The following PLEKHA7 variants were observed in gnomAD, a reference collection of about 807,000 sequenced individuals.
PLEKHA7 encodes pleckstrin homology domain-containing family A member 7.
Under a neutral mutation model 170.0 loss-of-function variants are expected in PLEKHA7, and 104 were observed. The ratio of observed to expected loss-of-function variants is 0.61; its 90% CI spans 0.52 to 0.72. PLEKHA7 has a LOEUF of 0.72. PLEKHA7 is among the 30% of genes least tolerant of loss of function. The pLI, the probability that PLEKHA7 is intolerant of heterozygous loss-of-function variation, is 0.00. For synonymous variants in PLEKHA7, 648 were observed against 660.8 expected (o/e 0.98, Z 0.30); for missense variants, 1,615 against 1,671.7 (o/e 0.97, Z 0.59).
Position 16,783,893 on chromosome 11 carries a change from C to T in PLEKHA7, c.3517-60G>A, listed in dbSNP as rs1590105659. The T allele has an allele frequency of 4.5e-6, 6 of 1,346,896 alleles. No individual in the cohort carries two copies. In the East Asian group the frequency reaches 9.1e-5, roughly 20 times the overall value. 83.4% of individuals were successfully genotyped at this position (1,346,896 alleles called of 1,614,324 possible). Reference sequence around the variant, plus strand: ...CTCAGATGTCTGGGTTTAGGACTCGCTTTCCCCACCTCTGTCCCCTCCCAC... The same window carrying T: ...CTCAGATGTCTGGGTTTAGGACTCGTTTTCCCCACCTCTGTCCCCTCCCAC... On this transcript the variant is annotated intron_variant, in intron 24 of 26. Coordinates refer to ENST00000531066, the MANE Select transcript of PLEKHA7 (RefSeq NM_001329630.2).
chr11:16,876,805 T>G (rs1323609007), intron 3 of PLEKHA7, among the ~76,000 whole-genome samples: 1 of 152,220 alleles, frequency 6.6e-6, no homozygotes, highest in Non-Finnish European at 1.5e-5. Context: ...GTATGTATTT[T>G]GATTGTAATA....
At chr11:16,842,570 A>G (rs1003381929) in intron 8 of PLEKHA7, 2 of 141,856 alleles carry the variant, frequency 1.4e-5, no homozygotes, top group Non-Finnish European at 3.0e-5. Context: ...CTTCTGCCTC[A>G]AGGTGCTTTC....
chr11:16,941,383 C>T (rs1860684254), intron 3 of PLEKHA7, among the ~76,000 whole-genome samples: 1 of 152,118 alleles, frequency 6.6e-6, no homozygotes, highest in African/African-American at 2.4e-5. Flanking sequence ...TATTGTTTTT[C>T]TCTGAAAAGG....
chr11:16,812,318 T>C (rs1436876987), intron 13 of PLEKHA7: 1 of 152,200 alleles, frequency 6.6e-6, no homozygotes, highest in Non-Finnish European at 1.5e-5. Context: ...GTTAAAAATA[T>C]CCCAAGCCAG....
intron 3 of PLEKHA7, among the ~76,000 whole-genome samples, chr11:16,889,251 C>G (rs989274628): frequency 1.3e-5 from 2 of 151,732 alleles, no homozygotes; most frequent in African/African-American, 2.4e-5. Flanking sequence ...GTGACCTCCT[C>G]CTCTGCTAAC....
intron 3 of PLEKHA7, among the ~76,000 whole-genome samples, chr11:16,889,400 CAAAA>C (rs869268116): frequency 9.5e-4 from 50 of 52,734 alleles, no homozygotes; most frequent in African/African-American, 2.5e-3. Flanking sequence ...CTTTATTGCT[CAAAA>C]AAAAAAAAAA....
At chr11:16,916,520 C>T (rs1450397347) in intron 3 of PLEKHA7, among the ~76,000 whole-genome samples, 1 of 152,204 alleles carries the variant, frequency 6.6e-6, no homozygotes, top group Non-Finnish European at 1.5e-5. Context: ...GTCCCTACCT[C>T]AGGCAATTGT....
rs529726234 is a variant in PLEKHA7 at position 16,951,130 on chromosome 11, T to G, written c.221+62859A>C. Among the ~76,000 whole-genome samples, 30 of 152,366 alleles carry G rather than the reference T, an allele frequency of 2.0e-4. 1 individual carries two copies. The South Asian group carries it at 6.0e-3, about 31-fold the overall frequency. On this transcript the variant is annotated intron_variant, in intron 3 of 26. Coordinates refer to ENST00000531066, the MANE Select transcript of PLEKHA7 (RefSeq NM_001329630.2). ...TAATCCTTCATAATTTTATGAAGTTTATCATCCATATTGCAAAGACAAAAA... is the reference window on the plus strand; with the variant it reads ...TAATCCTTCATAATTTTATGAAGTTGATCATCCATATTGCAAAGACAAAAA...
intron 12 of PLEKHA7, 59 bp from the exon 13 acceptor site, chr11:16,813,225 C>T (rs1055178219): frequency 6.9e-6 from 10 of 1,445,398 alleles, no homozygotes; most frequent in South Asian, 2.3e-5. Flanking sequence ...TTCCATAACT[C>T]GAGGTTTCAC....
At chr11:16,923,662 CCT>C (rs953303822) in intron 3 of PLEKHA7, among the ~76,000 whole-genome samples, 9 of 152,048 alleles carry the variant, frequency 5.9e-5, no homozygotes, top group Non-Finnish European at 1.2e-4. Flanking sequence ...TCTGGAAGCA[CCT>C]CTCTGATACA....
Position 16,882,860 on chromosome 11 carries a change from T to TCACACACACACA in PLEKHA7, c.222-11690_222-11679dup, listed in dbSNP as rs768102944. ...ATATTTCATATGTATATACACATAT[T>TCACACACACACA]CACACACACACATACACACACACAC... is the stretch of plus-strand genomic sequence containing the variant. On this transcript the variant is annotated intron_variant, in intron 3 of 26. Coordinates refer to ENST00000531066, the MANE Select transcript of PLEKHA7 (RefSeq NM_001329630.2). 2.7e-3 allele frequency among the ~76,000 whole-genome samples: 405 copies of TCACACACACACA among 151,838 alleles called. 3 individuals carry two copies. Among genetic ancestry groups the TCACACACACACA allele is most frequent in the African/African-American group, 9.1e-3 (376 of 41,380 alleles).
intron 13 of PLEKHA7, among the ~76,000 whole-genome samples, chr11:16,809,954 G>A (rs1849249198): frequency 7.8e-6 from 1 of 128,738 alleles, no homozygotes; most frequent in Non-Finnish European, 1.6e-5. Context: ...TCCACCCAGT[G>A]TGTCCCATTA....
rs35364446 is a variant in PLEKHA7 at position 16,880,765 on chromosome 11, C to T, written c.222-9583G>A. Among the ~76,000 whole-genome samples the T allele has an allele frequency of 3.5e-3, 539 of 152,340 alleles. 2 individuals carry two copies. Among genetic ancestry groups the T allele is most frequent in the Non-Finnish European group, 6.3e-3 (430 of 68,036 alleles). On this transcript the variant is annotated intron_variant, in intron 3 of 26. Transcript: ENST00000531066. ...TTCTATAGAAGTTTTCAAACCTGTC[C>T]TGTGAAACATTTTTAATCTTAGAAC...
At chr11:17,006,558 G>A (rs908836769) in intron 3 of PLEKHA7, among the ~76,000 whole-genome samples, 1 of 148,536 alleles carries the variant, frequency 6.7e-6, no homozygotes, top group Non-Finnish European at 1.5e-5. Context: ...AACCCGGGAA[G>A]CAGAGGTGCA....
At chr11:16,871,060 T>C (rs1854798623) in intron 4 of PLEKHA7, 39 bp downstream of exon 4, 1 of 1,485,830 alleles carries the variant, frequency 6.7e-7, no homozygotes, top group Non-Finnish European at 9.4e-7. Context: ...TAGTCTCCCA[T>C]ACTCTGCCCA....
At chr11:16,869,760 T>C (rs1854679019) in intron 4 of PLEKHA7, among the ~76,000 whole-genome samples, 1 of 152,364 alleles carries the variant, frequency 6.6e-6, no homozygotes, top group South Asian at 2.1e-4. Context: ...GTATCTCTTT[T>C]TGTATATTTT....
At chr11:16,992,860 C>T (rs951442625) in intron 3 of PLEKHA7, among the ~76,000 whole-genome samples, 10 of 152,062 alleles carry the variant, frequency 6.6e-5, no homozygotes, top group Admixed American at 4.6e-4. Flanking sequence ...CTACAAAATG[C>T]GAAGAATAAC....
At chr11:16,958,312 G>A (rs1861834272) in intron 3 of PLEKHA7, among the ~76,000 whole-genome samples, 1 of 151,984 alleles carries the variant, frequency 6.6e-6, no homozygotes, top group South Asian at 2.1e-4. Flanking sequence ...GCAAGACTCT[G>A]TCTCAAAAAA....
At chr11:16,963,293 T>C (rs1862178548) in intron 3 of PLEKHA7, among the ~76,000 whole-genome samples, 1 of 152,222 alleles carries the variant, frequency 6.6e-6, no homozygotes, top group African/African-American at 2.4e-5. Context: ...TTGGTTGAGG[T>C]AGCTGCAGGC....
Sources: gnomAD v4.1 joint callset for allele counts (sites outside exome capture counted in the v4.1 genomes callset) on GRCh38, gnomAD v4.1.1 for gene constraint, MANE v1.5 for transcripts, NCBI Gene and HGNC (gene_info 2026-07-23, HGNC 2026-07-21) for gene names.